The following PRKN variants were observed in gnomAD, a reference collection of about 807,000 sequenced individuals.
The protein encoded by PRKN is parkin RBR E3 ubiquitin protein ligase.
PRKN carries 56 observed loss-of-function variants against 59.5 expected under a neutral mutation model. That is an observed-to-expected ratio of 0.94 (90% CI 0.76 to 1.18). The LOEUF is 1.18. Among genes scored for constraint, PRKN ranks in the 50% most tolerant of loss-of-function variants. The probability of loss-of-function intolerance (pLI) is 0.00; values close to 1 mark genes in which losing one functional copy is unlikely to be tolerated. For missense variants in PRKN, 657 were observed against 596.4 expected (o/e 1.10, Z -1.06); for synonymous variants, 250 against 222.1 (o/e 1.13, Z -1.12).
chr6:161,757,085 TA>T (rs1277275164), intron 7 of PRKN, among the ~76,000 whole-genome samples: 46 of 152,158 alleles, frequency 3.0e-4, no homozygotes, highest in African/African-American at 1.1e-3. Flanking sequence ...ACACAAAAGA[TA>T]ATTCAAAATA....
intron 1 of PRKN, among the ~76,000 whole-genome samples, chr6:162,605,497 AGTCT>A (rs1417175379): frequency 1.3e-5 from 2 of 152,136 alleles, no homozygotes; most frequent in Admixed American, 6.5e-5. Context: ...CTAAAATTCT[AGTCT>A]GTCTATTCAG....
chr6:161,652,680 T>C (rs35834579), intron 7 of PRKN, among the ~76,000 whole-genome samples: 52,253 of 152,086 alleles, frequency 0.34, 9,872 homozygotes, highest in African/African-American at 0.5. Flanking sequence ...TATAAAGAAG[T>C]AAAACATGAT....
intron 1 of PRKN, among the ~76,000 whole-genome samples, chr6:162,687,180 CTCTT>C (rs1777596689): frequency 6.9e-6 from 1 of 144,150 alleles, no homozygotes; most frequent in Admixed American, 7.3e-5. Flanking sequence ...TTAAAAGAGC[CTCTT>C]TTTCTTTTTT....
intron 7 of PRKN, among the ~76,000 whole-genome samples, chr6:161,764,210 C>T (rs538646475): frequency 9.8e-5 from 15 of 152,330 alleles, no homozygotes; most frequent in African/African-American, 3.6e-4. Context: ...CATCTCTTAT[C>T]TAATCTGTAA....
chr6:161,969,250 T>C (rs977858262), intron 6 of PRKN, among the ~76,000 whole-genome samples: 5 of 150,144 alleles, frequency 3.3e-5, no homozygotes, highest in East Asian at 2.0e-4. Flanking sequence ...TAAAATAATA[T>C]GGTTTTCAGT....
rs1326707846 is a variant in PRKN at position 161,463,267 on chromosome 6, C to A, written c.1084-76390G>T. Among the ~76,000 whole-genome samples the A allele has an allele frequency of 3.3e-5, 5 of 152,186 alleles. No homozygotes were observed. Among genetic ancestry groups the A allele is most frequent in the African/African-American group, 1.2e-4 (5 of 41,434 alleles). On this transcript the variant is annotated intron_variant, in intron 9 of 11. Transcript: ENST00000366898. This position sits in a 1 kb window ranked among gnomAD's most constrained non-coding sequence, Gnocchi z 4.8. The stretch of plus-strand genomic sequence containing the variant: ...CTGTCAGCTGGTGCCTCTCCTGACC[C>A]CTCCTCCCTTGTTACCAAGGATGCC...
At chr6:162,642,341 C>G (rs894341659) in intron 1 of PRKN, among the ~76,000 whole-genome samples, 2 of 152,058 alleles carry the variant, frequency 1.3e-5, no homozygotes, top group Non-Finnish European at 2.9e-5. Flanking sequence ...AAAAAATTAA[C>G]ATTTGCTTAA....
chr6:161,977,550 T>TG (rs1554256847), intron 5 of PRKN, among the ~76,000 whole-genome samples: 16 of 143,690 alleles, frequency 1.1e-4, no homozygotes, highest in Non-Finnish European at 1.5e-4. Context: ...TGGTTTTTTT[T>TG]TTTTTTTTTT....
At chr6:161,705,250 C>T (rs1786436097) in intron 7 of PRKN, among the ~76,000 whole-genome samples, 1 of 152,204 alleles carries the variant, frequency 6.6e-6, no homozygotes, top group Non-Finnish European at 1.5e-5. Context: ...ACACCTAACC[C>T]ACCGAACATC....
At chr6:162,420,392 T>C (rs1241128436) in intron 2 of PRKN, among the ~76,000 whole-genome samples, 2 of 152,156 alleles carry the variant, frequency 1.3e-5, no homozygotes, top group Non-Finnish European at 2.9e-5. Context: ...CCTGCTGCCA[T>C]CTTGGAATGA....
chr6:161,368,964 C>T (rs762667078), intron 10 of PRKN, among the ~76,000 whole-genome samples: 7 of 152,154 alleles, frequency 4.6e-5, no homozygotes, highest in Non-Finnish European at 8.8e-5. Flanking sequence ...CCTCACCCAG[C>T]GGATCCACGG....
intron 7 of PRKN, among the ~76,000 whole-genome samples, chr6:161,756,989 A>C (rs1272163062): frequency 1.3e-5 from 2 of 152,224 alleles, no homozygotes; most frequent in Non-Finnish European, 2.9e-5. Flanking sequence ...GTTCAGTAGC[A>C]AAAGGATACT....
chr6:162,409,235 A>G (rs1413162801), intron 2 of PRKN, among the ~76,000 whole-genome samples: 3 of 150,956 alleles, frequency 2.0e-5, no homozygotes, highest in Non-Finnish European at 4.4e-5. Flanking sequence ...CACAATCATA[A>G]CTCATGACAG....
intron 9 of PRKN, among the ~76,000 whole-genome samples, chr6:161,513,887 T>C (rs981142655): frequency 2.0e-5 from 3 of 152,086 alleles, no homozygotes; most frequent in African/African-American, 7.2e-5. Context: ...CTCTATAAAA[T>C]GGTGACAAAT....
At chr6:162,075,339 T>C (rs1778775655) in intron 4 of PRKN, among the ~76,000 whole-genome samples, 1 of 151,412 alleles carries the variant, frequency 6.6e-6, no homozygotes, top group Non-Finnish European at 1.5e-5. Context: ...AATGCTCAGA[T>C]ACCATCATCA....
At chr6:162,251,399 G>C (rs1439753615) in intron 3 of PRKN, among the ~76,000 whole-genome samples, 1 of 152,042 alleles carries the variant, frequency 6.6e-6, no homozygotes, top group Non-Finnish European at 1.5e-5. Context: ...TGATCAAAGG[G>C]GAGCCCAGGT....
At chr6:162,035,739 C>T (rs531522685) in intron 5 of PRKN, among the ~76,000 whole-genome samples, 37 of 152,088 alleles carry the variant, frequency 2.4e-4, no homozygotes, top group Non-Finnish European at 4.9e-4. Flanking sequence ...AGAACAGACT[C>T]GAGAGATAAG....
intron 6 of PRKN, among the ~76,000 whole-genome samples, chr6:161,970,723 A>C (rs1780773241): frequency 6.6e-6 from 1 of 151,824 alleles, no homozygotes; most frequent in Non-Finnish European, 1.5e-5. Context: ...TTTTTAGTAG[A>C]AACAGGGTTT....
intron 9 of PRKN, among the ~76,000 whole-genome samples, chr6:161,509,001 T>C (rs1404702989): frequency 2.0e-5 from 3 of 152,182 alleles, no homozygotes; most frequent in South Asian, 2.1e-4. Flanking sequence ...TGCGCCACCA[T>C]GCCCAGCTAA....
Sources: allele counts gnomAD v4.1 joint callset (sites outside exome capture counted in the v4.1 genomes callset), GRCh38; gene constraint gnomAD v4.1.1; non-coding constraint Gnocchi (gnomAD v3.1); transcripts MANE v1.5; gene names NCBI Gene and HGNC (gene_info 2026-07-23, HGNC 2026-07-21).